CRACD: variants seen among roughly 807,000 people sequenced by gnomAD.
CRACD encodes capping protein inhibiting regulator of actin dynamics.
In CRACD, 56 loss-of-function variants were observed where a neutral mutation model predicts 106.8. The ratio of observed to expected loss-of-function variants is 0.52; its 90% CI spans 0.42 to 0.66. The LOEUF (loss-of-function observed/expected upper bound fraction) is 0.66, where lower values mean the gene tolerates loss of function less well. Among genes scored for constraint, CRACD ranks in the 30% least tolerant of loss-of-function variants. The pLI is 0.00. For synonymous variants in CRACD, 754 were observed against 670.8 expected (o/e 1.12, Z -1.92); for missense variants, 1,730 against 1,623.2 (o/e 1.07, Z -1.13).
chr4:56,102,604 C>G (rs1560451330), intron 1 of CRACD, among the ~76,000 whole-genome samples: 2 of 152,224 alleles, frequency 1.3e-5, no homozygotes, highest in Non-Finnish European at 2.9e-5. Flanking sequence ...AAGAGTTTAA[C>G]TAGAGAGTGT....
chr4:56,184,156 C>T (rs1052328392), intron 2 of CRACD, among the ~76,000 whole-genome samples: 9 of 152,134 alleles, frequency 5.9e-5, no homozygotes, highest in Non-Finnish European at 1.0e-4. Flanking sequence ...CGGCAACCCC[C>T]GCCTCCCAGG....
rs779877409 is a variant in CRACD at position 56,316,195 on chromosome 4, T to A, written c.2693T>A (p.Val898Glu). 2 of 1,613,894 alleles carry A rather than the reference T, an allele frequency of 1.2e-6. No individual in the cohort carries two copies. Among genetic ancestry groups the A allele is most frequent in the Non-Finnish European group, 1.7e-6 (2 of 1,179,982 alleles). ...SARGEKEMEG[V>E]ALKHGPSLPQ... ...CGTGGAGAGAAAGAGATGGAGGGTG[T>A]GGCCCTCAAGCATGGTCCATCCCTC... is the stretch of plus-strand genomic sequence containing the variant. The change falls in exon 8 of 11, where the codon GTG (valine) becomes GAG (glutamate). Residue 898 changes from valine (V) to glutamate (E), a missense_variant. Physicochemically the swap from Val to Glu is moderately radical, Grantham distance 121. Around this residue, in one of 5 missense-constraint regions of CRACD, gnomAD observed 1,620 missense variants for 1,481.6 expected, o/e 1.09. Coordinates refer to ENST00000682029, the MANE Select transcript of CRACD (RefSeq NM_001393381.1).
rs1380232047 is a variant in CRACD at position 56,314,192 on chromosome 4, A to G, written c.690A>G (p.Glu230=). 1 of 1,612,542 alleles carries G rather than the reference A, an allele frequency of 6.2e-7. No homozygotes were observed. The highest frequency in any genetic ancestry group is 1.1e-5 in the South Asian group (1 of 90,836). The change falls in exon 8 of 11, where the codon GAA becomes GAG. Residue 230 remains glutamate, a synonymous_variant. Transcript: ENST00000682029. The surrounding 1 kb of genome is among the most constrained non-coding windows in gnomAD (Gnocchi z 4.4). ...GACGCCAAGAAGACTACTGGCGAGA[A>G]CTGGAGGCCAAGTGCAAGCGGCAAA... is the stretch of plus-strand genomic sequence containing the variant. ...ERRRQEDYWR[E]LEAKCKRQKA... is the part of the protein sequence containing the mutation.
Position 56,181,933 on chromosome 4 carries a change from G to A in CRACD, c.-189+2503G>A, listed in dbSNP as rs532682461. Among the ~76,000 whole-genome samples the A allele has an allele frequency of 1.4e-4, 21 of 152,278 alleles. 1 individual carries two copies. The South Asian group carries it at 3.5e-3, about 26-fold the overall frequency. On this transcript the variant is annotated intron_variant, in intron 2 of 10. Coordinates refer to ENST00000682029, the MANE Select transcript of CRACD (RefSeq NM_001393381.1). ...AGGTCAAATTCAGTGGTACTGCAGGGTCAGGACTTCAGCTTACTTTTTGGG... is the reference window on the plus strand; with the variant it reads ...AGGTCAAATTCAGTGGTACTGCAGGATCAGGACTTCAGCTTACTTTTTGGG...
intron 1 of CRACD, among the ~76,000 whole-genome samples, chr4:56,175,728 T>TTTTGTTGG (rs1345085810): frequency 6.6e-6 from 1 of 152,182 alleles, no homozygotes; most frequent in African/African-American, 2.4e-5. Context: ...TTTTCTCACA[T>TTTTGTTGG]TCTGTTGGTT....
At chr4:56,180,575 G>A (rs368500920) in intron 2 of CRACD, among the ~76,000 whole-genome samples, 6 of 151,978 alleles carry the variant, frequency 3.9e-5, no homozygotes, top group African/African-American at 9.7e-5. Flanking sequence ...GCAGATATCC[G>A]CCACTTACTT....
intron 2 of CRACD, among the ~76,000 whole-genome samples, chr4:56,215,920 G>A (rs1738652510): frequency 1.3e-5 from 2 of 152,172 alleles, no homozygotes; most frequent in South Asian, 4.1e-4. Flanking sequence ...AATAACTGCT[G>A]GATAAATTAA....
intron 1 of CRACD, among the ~76,000 whole-genome samples, chr4:56,130,857 CCCTCTCCA>C (rs1217619497): frequency 1.3e-5 from 2 of 152,154 alleles, no homozygotes; most frequent in Non-Finnish European, 2.9e-5. Context: ...TTCCCACTTC[CCCTCTCCA>C]CCTCTCCATC....
chr4:56,139,154 T>G (rs1305016441), intron 1 of CRACD, among the ~76,000 whole-genome samples: 1 of 152,208 alleles, frequency 6.6e-6, no homozygotes, highest in South Asian at 2.1e-4. Context: ...CTTTAAGCAA[T>G]AAAATCTTTC....
chr4:56,280,442 A>G (rs1742970786), intron 3 of CRACD, among the ~76,000 whole-genome samples: 1 of 152,144 alleles, frequency 6.6e-6, no homozygotes, highest in Non-Finnish European at 1.5e-5. Flanking sequence ...TTTTCTGCAC[A>G]AATGTGCCTT....
intron 2 of CRACD, among the ~76,000 whole-genome samples, chr4:56,212,994 G>A (rs74734262): frequency 0.015 from 2,159 of 147,392 alleles, 51 homozygotes; most frequent in African/African-American, 0.054. Context: ...CCAAGAGAGA[G>A]CTTACCGTGC....
At chr4:56,160,496 T>C (rs1473717046) in intron 1 of CRACD, among the ~76,000 whole-genome samples, 1 of 152,194 alleles carries the variant, frequency 6.6e-6, no homozygotes, top group Non-Finnish European at 1.5e-5. Context: ...TACCTGCTTT[T>C]TAAATCAAGC....
Position 56,129,654 on chromosome 4 carries a change from C to A in CRACD, c.-335-49630C>A, listed in dbSNP as rs371265050. ...CACTCGATGATGCAGCAGTTTAGCA[C>A]GCTTTTATGGAACTGACCATGCGTC... On this transcript the variant is annotated intron_variant, in intron 1 of 10. Coordinates refer to ENST00000682029, the MANE Select transcript of CRACD (RefSeq NM_001393381.1). Among the ~76,000 whole-genome samples the A allele has an allele frequency of 1.8e-4, 28 of 152,274 alleles. No homozygotes were observed. In the South Asian group the frequency reaches 3.1e-3, roughly 17 times the overall value.
Position 56,310,958 on chromosome 4 carries a change from C to T in CRACD, c.354+224C>T, listed in dbSNP as rs572118162. On this transcript the variant is annotated intron_variant, in intron 6 of 10. Coordinates refer to ENST00000682029, the MANE Select transcript of CRACD (RefSeq NM_001393381.1). ...AACTCTGCTCTGAAAACTAGCCATA[C>T]TCCCAGCATGCCTGTGTTTGGGGTC... is the stretch of plus-strand genomic sequence containing the variant. 6 of 530,488 alleles carry T rather than the reference C, an allele frequency of 1.1e-5. No homozygotes were observed. In the African/African-American group the frequency reaches 1.1e-4, roughly 10 times the overall value. 32.9% of individuals were successfully genotyped at this position (530,488 alleles called of 1,614,324 possible).
chr4:56,139,004 T>G (rs913961481), intron 1 of CRACD, among the ~76,000 whole-genome samples: 1 of 152,190 alleles, frequency 6.6e-6, no homozygotes, highest in Non-Finnish European at 1.5e-5. Context: ...ATTCTTCTTA[T>G]GAAAGGCCTA....
At chr4:56,221,387 T>C (rs1739022305) in intron 2 of CRACD, among the ~76,000 whole-genome samples, 1 of 151,950 alleles carries the variant, frequency 6.6e-6, no homozygotes, top group Non-Finnish European at 1.5e-5. Flanking sequence ...TATTGAGAGG[T>C]TCACATAAAA....
At chr4:56,069,407 T>C (rs764151486) in intron 1 of CRACD, among the ~76,000 whole-genome samples, 26 of 152,146 alleles carry the variant, frequency 1.7e-4, no homozygotes, top group Non-Finnish European at 2.9e-4. Context: ...GCTGAAATCC[T>C]CAGGGACAGC....
intron 2 of CRACD, among the ~76,000 whole-genome samples, chr4:56,262,705 G>A (rs1007232793): frequency 6.6e-6 from 1 of 152,174 alleles, no homozygotes; most frequent in Non-Finnish European, 1.5e-5. Flanking sequence ...GAACAAGGGT[G>A]ATTGCAGGAC....
chr4:56,184,230 C>T (rs994408755), intron 2 of CRACD, among the ~76,000 whole-genome samples: 38 of 152,104 alleles, frequency 2.5e-4, no homozygotes, highest in African/African-American at 8.2e-4. Context: ...GCCACCATGC[C>T]CAGTTAATTT....
Sources: gnomAD v4.1 joint callset for allele counts (sites outside exome capture counted in the v4.1 genomes callset) on GRCh38, gnomAD v4.1.1 for gene constraint, gnomAD v4.1.1 regional missense constraint, Gnocchi (gnomAD v3.1) non-coding constraint, MANE v1.5 for transcripts, NCBI Gene and HGNC (gene_info 2026-07-23, HGNC 2026-07-21) for gene names.